The following WDFY3 variants were observed in gnomAD, a reference collection of about 807,000 sequenced individuals.
WDFY3 encodes WD repeat and FYVE domain-containing protein 3.
WDFY3 carries 66 observed loss-of-function variants against 409.6 expected under a neutral mutation model. The ratio of observed to expected loss-of-function variants is 0.16; its 90% CI spans 0.13 to 0.20. WDFY3 has a LOEUF of 0.20. WDFY3 is among the 10% of genes least tolerant of loss of function. WDFY3 has a pLI of 1.00. For synonymous variants in WDFY3, 1,521 were observed against 1,537.1 expected (o/e 0.99, Z 0.25); for missense variants, 3,031 against 4,298.1 (o/e 0.71, Z 8.24).
At chr4:84,705,291 T>C in intron 54 of WDFY3, 103 bp downstream of exon 54, 1 of 830,046 alleles carries the variant, frequency 1.2e-6, no homozygotes, top group East Asian at 2.4e-5. Context: ...ATAGATATGA[T>C]ATATAAGCAA....
chr4:84,857,412 T>C (rs1234108825), intron 4 of WDFY3, among the ~76,000 whole-genome samples: 1 of 152,192 alleles, frequency 6.6e-6, no homozygotes, highest in African/African-American at 2.4e-5. Context: ...TAATAATTCA[T>C]GTTAATAGCC....
intron 3 of WDFY3, among the ~76,000 whole-genome samples, chr4:84,888,755 C>T (rs1039905652): frequency 7.2e-5 from 11 of 151,846 alleles, no homozygotes; most frequent in Non-Finnish European, 7.4e-5. Flanking sequence ...ATCCAGCTGT[C>T]AAACTACAAA....
chr4:84,749,504 T>C (rs994227330), intron 36 of WDFY3, among the ~76,000 whole-genome samples: 1 of 152,194 alleles, frequency 6.6e-6, no homozygotes, highest in African/African-American at 2.4e-5. Context: ...TCCTGGCAAC[T>C]GCAACTTTAA....
intron 2 of WDFY3, among the ~76,000 whole-genome samples, chr4:84,902,838 C>G (rs1766518069): frequency 6.6e-6 from 1 of 152,130 alleles, no homozygotes; most frequent in Admixed American, 6.6e-5. Flanking sequence ...AATACTAATT[C>G]CTCTTTCAGA....
At chr4:84,682,154 G>C (rs1266687450) in intron 64 of WDFY3, among the ~76,000 whole-genome samples, 1 of 152,176 alleles carries the variant, frequency 6.6e-6, no homozygotes, top group East Asian at 1.9e-4. Context: ...ATGGAATGTG[G>C]AAGTTAACCA....
chr4:84,701,908 C>T (rs1284664069), intron 56 of WDFY3, among the ~76,000 whole-genome samples: 1 of 152,226 alleles, frequency 6.6e-6, no homozygotes, highest in African/African-American at 2.4e-5. Context: ...GGATGTACCA[C>T]TCTTAGCTAT....
chr4:84,913,336 AAAC>A (rs1349211644), intron 2 of WDFY3, among the ~76,000 whole-genome samples: 2 of 152,192 alleles, frequency 1.3e-5, no homozygotes, highest in African/African-American at 4.8e-5. Context: ...ATCAAGCTCA[AAAC>A]AACAAGTTCC....
chr4:84,695,549 G>A (rs568036912), intron 58 of WDFY3, among the ~76,000 whole-genome samples: 1 of 147,416 alleles, frequency 6.8e-6, no homozygotes, highest in South Asian at 2.2e-4. Context: ...GAGAGAGAGA[G>A]AGAGGCACGC....
Position 84,737,250 on chromosome 4 carries a change from C to A in WDFY3, c.6691G>T (p.Val2231Leu), listed in dbSNP as rs772826663. 6.2e-7 allele frequency: 1 copy of A among 1,614,122 alleles called. No homozygotes were observed. Among genetic ancestry groups the A allele is most frequent in the South Asian group, 1.1e-5 (1 of 91,084 alleles). ...VTLPVNERGH[V>L]DIATARPLIE... ...AGTGGCCTTGCTGTAGCTATGTCCA[C>A]GTGGCCCCTTTCATTCACAGGTAGA... The change falls in exon 41 of 68, where the codon GTG becomes TTG. Residue 2231 changes from valine (V) to leucine (L), a missense_variant. By Grantham distance (32) the Val-to-Leu change is conservative (BLOSUM62 1). This residue lies in a region of WDFY3 where 314 missense variants were observed against 397.4 expected (regional missense o/e 0.79). Coordinates refer to ENST00000295888, the MANE Select transcript of WDFY3 (RefSeq NM_014991.6).
chr4:84,747,413 T>C (rs76540706), intron 36 of WDFY3, among the ~76,000 whole-genome samples: 1,701 of 152,272 alleles, frequency 0.011, 28 homozygotes, highest in African/African-American at 0.039. Context: ...TTTGTGGTGC[T>C]CTCTTTGCCC....
intron 36 of WDFY3, 120 bp from the exon 37 acceptor site, chr4:84,743,919 T>A: frequency 1.8e-6 from 1 of 549,774 alleles, no homozygotes; most frequent in Non-Finnish European, 2.8e-6. Flanking sequence ...AAATTTGTTT[T>A]AAATGCCATG....
intron 1 of WDFY3, among the ~76,000 whole-genome samples, chr4:84,951,783 A>G (rs1773642826): frequency 6.6e-6 from 1 of 152,236 alleles, no homozygotes; most frequent in Admixed American, 6.5e-5. Flanking sequence ...TTGCCAGATG[A>G]CATCAGGATA....
intron 6 of WDFY3, among the ~76,000 whole-genome samples, chr4:84,840,557 C>T (rs1392612989): frequency 2.6e-5 from 4 of 151,896 alleles, no homozygotes; most frequent in African/African-American, 7.3e-5. Flanking sequence ...ATCTGTTTGC[C>T]CAGAATGCTC....
chr4:84,938,377 T>C (rs962825327), intron 1 of WDFY3, among the ~76,000 whole-genome samples: 3 of 152,138 alleles, frequency 2.0e-5, no homozygotes, highest in African/African-American at 7.2e-5. Context: ...CTCAAAATAT[T>C]TTATTAGACA....
At chr4:84,808,537 A>G in intron 14 of WDFY3, 120 bp from the exon 15 acceptor site, 2 of 735,894 alleles carry the variant, frequency 2.7e-6, no homozygotes, top group Non-Finnish European at 4.7e-6. Flanking sequence ...CATCTTCCAT[A>G]TTCAGCAGGA....
At chr4:84,872,619 C>T (rs927016534) in intron 3 of WDFY3, among the ~76,000 whole-genome samples, 2 of 152,040 alleles carry the variant, frequency 1.3e-5, no homozygotes, top group Non-Finnish European at 2.9e-5. Flanking sequence ...AGATATTTAT[C>T]CTACTAAATC....
At chr4:84,895,141 A>G (rs954488673) in intron 3 of WDFY3, among the ~76,000 whole-genome samples, 3 of 152,152 alleles carry the variant, frequency 2.0e-5, no homozygotes, top group Non-Finnish European at 4.4e-5. Context: ...CAAAAATTGT[A>G]TATGTTAACA....
intron 46 of WDFY3, among the ~76,000 whole-genome samples, chr4:84,721,812 C>A (rs1167136253): frequency 6.6e-6 from 1 of 151,922 alleles, no homozygotes; most frequent in Non-Finnish European, 1.5e-5. Flanking sequence ...CAGGTGTGGG[C>A]AACACAGCAA....
chr4:84,749,314 A>T (rs936954462), intron 36 of WDFY3, among the ~76,000 whole-genome samples: 7 of 152,130 alleles, frequency 4.6e-5, no homozygotes, highest in Admixed American at 1.3e-4. Flanking sequence ...CATTAATATA[A>T]TTTTTTTTGT....
Sources: gnomAD v4.1 joint callset for allele counts (sites outside exome capture counted in the v4.1 genomes callset) on GRCh38, gnomAD v4.1.1 for gene constraint, gnomAD v4.1.1 regional missense constraint, MANE v1.5 for transcripts, NCBI Gene and HGNC (gene_info 2026-07-23, HGNC 2026-07-21) for gene names.